Variants in VPS13B observed in about 807,000 individuals in gnomAD.
VPS13B encodes vacuolar protein sorting 13 homolog B.
A neutral mutation model predicts 426.4 loss-of-function variants in VPS13B; 285 were observed. That is an observed-to-expected ratio of 0.67 (90% CI 0.61 to 0.74). The LOEUF is 0.74. VPS13B is among the 30% of genes least tolerant of loss of function. The pLI is 0.00. For synonymous variants in VPS13B, 1,676 were observed against 1,676.4 expected (o/e 1.00, Z 0.01); for missense variants, 4,537 against 4,782.6 (o/e 0.95, Z 1.51).
chr8:99,044,084 C>CTTTTTT (rs5893476), intron 3 of VPS13B, among the ~76,000 whole-genome samples: 142 of 98,920 alleles, frequency 1.4e-3, no homozygotes, highest in Non-Finnish European at 1.9e-3. Context: ...TTCTTTCTTT[C>CTTTTTT]TTTTTTTTTT....
At chr8:99,664,007 ATT>A (rs202131297) in intron 35 of VPS13B, among the ~76,000 whole-genome samples, 14 of 141,468 alleles carry the variant, frequency 9.9e-5, no homozygotes, top group Non-Finnish European at 9.3e-5. Flanking sequence ...TAGAAATGTG[ATT>A]TTTTTTTTTT....
At chr8:99,770,528 G>A (rs1281397475) in intron 40 of VPS13B, among the ~76,000 whole-genome samples, 1 of 152,150 alleles carries the variant, frequency 6.6e-6, no homozygotes, top group Non-Finnish European at 1.5e-5. Context: ...GTATGGGCTA[G>A]GAACCCTGGG....
At chr8:99,558,227 A>G (rs1824694471) in intron 31 of VPS13B, among the ~76,000 whole-genome samples, 1 of 152,160 alleles carries the variant, frequency 6.6e-6, no homozygotes, top group East Asian at 1.9e-4. Flanking sequence ...CTAATTATAC[A>G]TGAAGAAACT....
intron 30 of VPS13B, among the ~76,000 whole-genome samples, chr8:99,538,758 A>T (rs1823395961): frequency 6.6e-6 from 1 of 152,154 alleles, no homozygotes; most frequent in Admixed American, 6.5e-5. Context: ...TTACTTATTG[A>T]TTTCTTTAGA....
chr8:99,574,247 C>T (rs1382211978), intron 31 of VPS13B, among the ~76,000 whole-genome samples: 2 of 152,162 alleles, frequency 1.3e-5, no homozygotes, highest in East Asian at 1.9e-4. Flanking sequence ...CGTCTGCAAA[C>T]GGGGACAATA....
chr8:99,713,631 A>T (rs769320688), intron 36 of VPS13B, among the ~76,000 whole-genome samples: 3 of 152,222 alleles, frequency 2.0e-5, no homozygotes, highest in Non-Finnish European at 4.4e-5. Flanking sequence ...CTATACATAC[A>T]TATACTTCTT....
chr8:99,411,413 G>A (rs1815656263), intron 21 of VPS13B, among the ~76,000 whole-genome samples: 1 of 152,016 alleles, frequency 6.6e-6, no homozygotes, highest in Non-Finnish European at 1.5e-5. Context: ...GGGGTTGTTT[G>A]TTTTCTTCTT....
chr8:99,577,274 A>G (rs1825821070), intron 32 of VPS13B, among the ~76,000 whole-genome samples: 1 of 152,172 alleles, frequency 6.6e-6, no homozygotes, highest in African/African-American at 2.4e-5. Context: ...TATCTAGCAC[A>G]AGGCCCAACA....
chr8:99,768,422 C>T (rs1811333891), intron 40 of VPS13B, among the ~76,000 whole-genome samples: 1 of 152,124 alleles, frequency 6.6e-6, no homozygotes, highest in Non-Finnish European at 1.5e-5. Flanking sequence ...ACTTTGTATT[C>T]CAGTTCCTAC....
intron 23 of VPS13B, among the ~76,000 whole-genome samples, chr8:99,459,735 C>T (rs997531718): frequency 4.6e-5 from 7 of 152,120 alleles, no homozygotes; most frequent in Non-Finnish European, 8.8e-5. Context: ...TGTATGCAGT[C>T]TGTCATTAAG....
At chr8:99,808,805 AAAAG>A (rs997435677) in intron 43 of VPS13B, among the ~76,000 whole-genome samples, 20 of 151,886 alleles carry the variant, frequency 1.3e-4, no homozygotes, top group African/African-American at 4.8e-4. Flanking sequence ...ACAAAAAAAA[AAAAG>A]AACAAATACA....
chr8:99,642,410 T>A lies in VPS13B; in HGVS notation c.5820T>A (p.Leu1940=), dbSNP rs1331513814. Residue 1940 remains leucine, a synonymous_variant, in exon 34 of 62, where the codon CTT becomes CTA. Coordinates refer to ENST00000357162, the MANE Select transcript of VPS13B (RefSeq NM_152564.5). ...TTATTGTGTCCCAGCCTTCCTTGCT[T>A]CTGAGTTGTCACCACAGAAAGCAGC... ...LYFIVSQPSL[L]LSCHHRKQRV... The A allele has an allele frequency of 6.2e-7, 1 of 1,614,104 alleles. No individual in the cohort carries two copies. Among genetic ancestry groups the A allele is most frequent in the Non-Finnish European group, 8.5e-7 (1 of 1,180,000 alleles).
At chr8:99,292,440 G>A (rs954355988) in intron 19 of VPS13B, among the ~76,000 whole-genome samples, 3 of 152,126 alleles carry the variant, frequency 2.0e-5, no homozygotes, top group African/African-American at 7.2e-5. Context: ...GCTGGAAAAT[G>A]TTGAGCTCTT....
chr8:99,457,969 G>T (rs1025702982), intron 23 of VPS13B, among the ~76,000 whole-genome samples: 5 of 151,866 alleles, frequency 3.3e-5, no homozygotes, highest in Non-Finnish European at 7.4e-5. Context: ...ACAACGTGCA[G>T]GTTTGTTACA....
chr8:99,376,768 T>A lies in VPS13B; in HGVS notation c.2825-7440T>A, dbSNP rs1588307447. Among the ~76,000 whole-genome samples the A allele has an allele frequency of 2.0e-5, 3 of 152,096 alleles. No individual in the cohort carries two copies. In the East Asian group the frequency reaches 5.8e-4, roughly 29 times the overall value. ...ATACTTGCATCTTGTCCAGTTTGCA[T>A]ACATTTAAATTTATATGCCATTTTG... On this transcript the variant is annotated intron_variant, in intron 19 of 61. Coordinates refer to ENST00000357162, the MANE Select transcript of VPS13B (RefSeq NM_152564.5).
chr8:99,699,914 G>T lies in VPS13B; in HGVS notation c.6436G>T (p.Ala2146Ser). 1 of 1,613,680 alleles carries T rather than the reference G, an allele frequency of 6.2e-7. No individual in the cohort carries two copies. The highest frequency in any genetic ancestry group is 8.5e-7 in the Non-Finnish European group (1 of 1,179,920). Residue 2146 changes from alanine (A) to serine (S), a missense_variant, in exon 36 of 62, where the codon GCA becomes TCA. Coordinates refer to ENST00000357162, the MANE Select transcript of VPS13B (RefSeq NM_152564.5). Reference sequence around the variant, plus strand: ...CCTCAATGGAAGCCTTAGTGTCAAGGCAACACAAAAAGTACCTGGTAAGTC... The same window carrying T: ...CCTCAATGGAAGCCTTAGTGTCAAGTCAACACAAAAAGTACCTGGTAAGTC... ...SNLNGSLSVK[A>S]TQKVPGIILG...
chr8:99,411,644 AT>A (rs1224090368), intron 21 of VPS13B, among the ~76,000 whole-genome samples: 2 of 152,104 alleles, frequency 1.3e-5, no homozygotes, highest in African/African-American at 4.8e-5. Context: ...GCCCATGCCT[AT>A]GTCCTGAATG....
At chr8:99,777,686 C>T (rs1255511132) in intron 41 of VPS13B, among the ~76,000 whole-genome samples, 1 of 152,118 alleles carries the variant, frequency 6.6e-6, no homozygotes. Flanking sequence ...ATTTCAAAAT[C>T]ATGAATACTT....
At chr8:99,807,972 T>C (rs1443208731) in intron 43 of VPS13B, among the ~76,000 whole-genome samples, 1 of 151,802 alleles carries the variant, frequency 6.6e-6, no homozygotes, top group African/African-American at 2.4e-5. Flanking sequence ...GGACTCCTCC[T>C]AAGGCTGAAA....
Sources: allele counts gnomAD v4.1 joint callset (sites outside exome capture counted in the v4.1 genomes callset), GRCh38; gene constraint gnomAD v4.1.1; transcripts MANE v1.5; gene names NCBI Gene and HGNC (gene_info 2026-07-23, HGNC 2026-07-21).